Variants in TTN observed in about 807,000 individuals in gnomAD.
The protein encoded by TTN is connectin.
A neutral mutation model predicts 3,223.0 loss-of-function variants in TTN; 1,525 were observed. The ratio of observed to expected loss-of-function variants is 0.47; its 90% CI spans 0.45 to 0.49. TTN has a LOEUF of 0.49. Among genes scored for constraint, TTN ranks in the 20% least tolerant of loss-of-function variants. TTN has a pLI of 0.00. For missense variants in TTN, 40,786 were observed against 43,424.0 expected, an observed-to-expected ratio of 0.94 and a Z score of 5.40; for synonymous variants, 14,094 against 15,161.0, an observed-to-expected ratio of 0.93 and a Z score of 5.17.
Position 178,580,122 on chromosome 2 carries a change from A to G in TTN, c.67165T>C (p.Tyr22389His). 1.2e-6 allele frequency: 2 copies of G among 1,613,378 alleles called. No homozygotes were observed. Among genetic ancestry groups the G allele is most frequent in the South Asian group, 1.1e-5 (1 of 91,070 alleles). The change falls in exon 318 of 363, where the codon TAT becomes CAT. Residue 22389 changes from tyrosine to histidine, a missense_variant. Transcript: ENST00000589042. ...IIDGGSPIIN[Y>H]VVQKRDAERK... ...TCTGCATCACGTTTTTGTACCACATAGTTTATGATGGGGCTTCCGCCATCA... is the reference window on the plus strand; with the variant it reads ...TCTGCATCACGTTTTTGTACCACATGGTTTATGATGGGGCTTCCGCCATCA...
In TTN at chr2:178,720,561, A is replaced by C. The variant is rs778239287; in HGVS notation, c.23201T>G (p.Val7734Gly). Residue 7734 changes from valine to glycine, a missense_variant, in exon 80 of 363, where the codon GTA becomes GGA. Coordinates refer to ENST00000589042, the MANE Select transcript of TTN (RefSeq NM_001267550.2). ...AACCTGCTTTCGATCTTTAACCCAT[A>C]CTACTTCAAATGGGGGAGTTCCCGA... ...EISGTPPFEVVWVKDRKQVRN... is the reference protein window; with the variant it reads ...EISGTPPFEVGWVKDRKQVRN... 1 of 1,613,478 alleles carries C rather than the reference A, an allele frequency of 6.2e-7. No individual in the cohort carries two copies.
In TTN at chr2:178,678,227, T is replaced by C. The variant is rs1011760493; in HGVS notation, c.33911-19A>G. 7.6e-6 allele frequency: 12 copies of C among 1,583,754 alleles called. No individual in the cohort carries two copies. The highest frequency in any genetic ancestry group is 9.4e-6 in the Non-Finnish European group (11 of 1,166,530). ...TCTGGCACTTTAAAGATATTATTTATATTTAGGAATATGTTCTTTTAAAAT... is the reference window on the plus strand; with the variant it reads ...TCTGGCACTTTAAAGATATTATTTACATTTAGGAATATGTTCTTTTAAAAT... On this transcript the variant is annotated intron_variant, in intron 144 of 362. Transcript: ENST00000589042.
At chr2:178,602,750 G>T (rs1052482951) in intron 282 of TTN, among the ~76,000 whole-genome samples, 160 bp from the exon 283 acceptor site, 1 of 151,796 alleles carries the variant, frequency 6.6e-6, no homozygotes, top group Admixed American at 6.6e-5. Flanking sequence ...GAGAAATAAA[G>T]GAAATGGTCT....
chr2:178,702,075 T>G lies in TTN; in HGVS notation c.30512-9A>C. Reference sequence around the variant, plus strand: ...CAGCTCAAGTTTGATTTCTGCAAAATAAAAAAAAAATGATATTTTTGTGTT... The same window carrying G: ...CAGCTCAAGTTTGATTTCTGCAAAAGAAAAAAAAAATGATATTTTTGTGTT... On this transcript the variant is annotated splice_polypyrimidine_tract_variant and intron_variant, in intron 108 of 362. Coordinates refer to ENST00000589042, the MANE Select transcript of TTN (RefSeq NM_001267550.2). 6.7e-7 allele frequency: 1 copy of G among 1,492,024 alleles called. No individual in the cohort carries two copies. Among genetic ancestry groups the G allele is most frequent in the Non-Finnish European group, 9.2e-7 (1 of 1,088,956 alleles). The allele number at this position is 1,492,024 out of a possible 1,614,324, so 92.4% of individuals were successfully genotyped here.
chr2:178,745,951 G>A, intron 47 of TTN: 1 of 1,609,584 alleles, frequency 6.2e-7, no homozygotes, highest in South Asian at 1.1e-5. Context: ...AAGTCACTTT[G>A]CTTTTCTTTG....
In TTN at chr2:178,561,235, C is replaced by T. The variant is rs794729296; in HGVS notation, c.84897G>A (p.Trp28299Ter). The change falls in exon 326 of 363, where the codon TGG (tryptophan) becomes TGA (stop). Residue 28299 changes from tryptophan (W) to a stop codon, truncating the protein, a stop_gained. Transcript: ENST00000589042. LOFTEE classifies it high-confidence loss of function. ...GTATATTAGTATAATTGCACTTCAG[C>T]CACCGGCCATCTGGTAGTTCTCTGC... ...VERRELPDGR[W>*]LKCNYTNIQE... 1 of 1,613,658 alleles carries T rather than the reference C, an allele frequency of 6.2e-7. No individual in the cohort carries two copies. The highest frequency in any genetic ancestry group is 1.1e-5 in the South Asian group (1 of 91,078).
rs760643071 is a variant in TTN, at chr2:178,633,519, A to T, written c.42840T>A (p.Asp14280Glu). ...VPSPKYSIKADGLRRILKIKK... is the reference protein window; with the variant it reads ...VPSPKYSIKAEGLRRILKIKK... ...TGATTTTTAAGATGCGGCGCAGGCC[A>T]TCTGCCTTGATAGAATATTTGGGTG... Residue 14280 changes from aspartate to glutamate, a missense_variant, in exon 232 of 363, where the codon GAT (aspartate) becomes GAA (glutamate). Coordinates refer to ENST00000589042, the MANE Select transcript of TTN (RefSeq NM_001267550.2). 6.2e-7 allele frequency: 1 copy of T among 1,613,422 alleles called. No homozygotes were observed. The highest frequency in any genetic ancestry group is 8.5e-7 in the Non-Finnish European group (1 of 1,179,618).
rs1575406213 is a variant in TTN, at chr2:178,542,947, A to G, written c.96907T>C (p.Leu32303=). The G allele has an allele frequency of 6.3e-7, 1 of 1,587,022 alleles. No individual in the cohort carries two copies. The stretch of plus-strand genomic sequence containing the variant: ...ATTGTAGAAAGATCGATTGTTGGCA[A>G]CACTATGGGAAAGAAATCAGGCATT... ...TAVTVQDLRV[L]PTIDLSTMPQ... is the part of the protein sequence containing the mutation. Residue 32303 remains leucine (L), a splice_region_variant and synonymous_variant, in exon 348 of 363, where the codon TTG becomes CTG. Coordinates refer to ENST00000589042, the MANE Select transcript of TTN (RefSeq NM_001267550.2).
At chr2:178,753,847 T>A (rs1316505858) in intron 46 of TTN, 2 of 152,152 alleles carry the variant, frequency 1.3e-5, no homozygotes, top group Non-Finnish European at 2.9e-5. Context: ...CTCAGTTTCT[T>A]ACGGTTTTTG....
Position 178,617,031 on chromosome 2 carries a change from T to G in TTN, c.47876-18A>C, listed in dbSNP as rs776809349. On this transcript the variant is annotated intron_variant, in intron 255 of 362. Transcript: ENST00000589042. ...TGGTTCAACTACAAAGAAGAAAAGT[T>G]AATGAGTTTGCAGTGCCATATTTAA... The G allele has an allele frequency of 8.4e-5, 135 of 1,611,950 alleles. No individual in the cohort carries two copies. The highest frequency in any genetic ancestry group is 6.6e-4 in the Middle Eastern group (4 of 6,066).
rs1326015828 is a variant in TTN at position 178,651,989 on chromosome 2, T to C, written c.39296-22A>G. On this transcript the variant is annotated intron_variant, in intron 204 of 362. Coordinates refer to ENST00000589042, the MANE Select transcript of TTN (RefSeq NM_001267550.2). ...AACACTTTAAAGACATGAGCTCATT[T>C]TAATGCCAGAATTGACTAAAACTGA... The C allele has an allele frequency of 3.1e-6, 5 of 1,611,028 alleles. No homozygotes were observed. The African/African-American group carries it at 6.7e-5, about 22-fold the overall frequency.
At chr2:178,747,175 T>G in intron 47 of TTN, 1 of 1,609,026 alleles carries the variant, frequency 6.2e-7, no homozygotes, top group African/African-American at 1.4e-5. Flanking sequence ...CTCCTGGGGG[T>G]GTGGAGTATC....
Position 178,718,167 on chromosome 2 carries a change from G to C in TTN, c.24839C>G (p.Pro8280Arg), listed in dbSNP as rs375219172. The change falls in exon 86 of 363, where the codon CCT (proline) becomes CGT (arginine). Residue 8280 changes from proline (P) to arginine (R), a missense_variant. By Grantham distance (103) the Pro-to-Arg change is moderately radical. Transcript: ENST00000589042. Reference protein sequence around the residue: ...LEHVEAVIGEPATLQCKVDGT... With the variant: ...LEHVEAVIGERATLQCKVDGT... ...ATCCACTTTACACTGTAAAGTTGCA[G>C]GTTCTCCAATGACTGCTTCCACATG... 1.9e-6 allele frequency: 3 copies of C among 1,606,072 alleles called. No homozygotes were observed. Among genetic ancestry groups the C allele is most frequent in the Non-Finnish European group, 2.5e-6 (3 of 1,179,500 alleles).
rs1445823555 is a variant in TTN at position 178,571,771 on chromosome 2, C to T, written c.74361G>A (p.Val24787=). Residue 24787 remains valine (V), a synonymous_variant, in exon 326 of 363, where the codon GTG becomes GTA. Coordinates refer to ENST00000589042, the MANE Select transcript of TTN (RefSeq NM_001267550.2). ...CACCAGCTGAGTTAGTCAGTTTAAC[C>T]ACATAATGGCCAACATCTTCTCGGC... ...DACREDVGHY[V]VKLTNSAGEA... The T allele has an allele frequency of 1.9e-6, 3 of 1,613,364 alleles. No homozygotes were observed. The highest frequency in any genetic ancestry group is 2.2e-5 in the East Asian group (1 of 44,814).
intron 19 of TTN, 27 bp downstream of exon 19, chr2:178,782,512 C>G: frequency 6.2e-7 from 1 of 1,613,784 alleles, no homozygotes; most frequent in South Asian, 1.1e-5. Flanking sequence ...GGTACTAGAA[C>G]AGCTACTAAT....
Position 178,634,896 on chromosome 2 carries a change from T to C in TTN, c.42025-47A>G, listed in dbSNP as rs745344984. On this transcript the variant is annotated intron_variant, in intron 228 of 362. Coordinates refer to ENST00000589042, the MANE Select transcript of TTN (RefSeq NM_001267550.2). This position sits in a 1 kb window ranked among gnomAD's most constrained non-coding sequence, Gnocchi z 4.6. Reference sequence around the variant, plus strand: ...AACCATTTGAAAGAGATAAATTCCCTATAGGAGAAGTGTTTCAGATACAAA... The same window carrying C: ...AACCATTTGAAAGAGATAAATTCCCCATAGGAGAAGTGTTTCAGATACAAA... 1.3e-6 allele frequency: 2 copies of C among 1,570,892 alleles called. No individual in the cohort carries two copies. Among genetic ancestry groups the C allele is most frequent in the Non-Finnish European group, 8.6e-7 (1 of 1,164,618 alleles).
In TTN at chr2:178,552,333, C is replaced by A; in HGVS notation, c.90567G>T (p.Leu30189Phe). ...GCTCCTTCTTGGCATTCTTAATACT[C>A]AAAGTAATTTTGTTTTCAGTTTTAC... ...RFSKTENKIT[L>F]SIKNAKKEHG... is the part of the protein sequence containing the mutation. The change falls in exon 335 of 363, where the codon TTG becomes TTT. Residue 30189 changes from leucine to phenylalanine, a missense_variant. Physicochemically the swap from Leu to Phe is conservative, Grantham distance 22. Transcript: ENST00000589042. The A allele has an allele frequency of 6.2e-7, 1 of 1,603,734 alleles. No homozygotes were observed. Among genetic ancestry groups the A allele is most frequent in the Non-Finnish European group, 8.5e-7 (1 of 1,176,072 alleles).
At chr2:178,755,474 T>C (rs1004024801) in intron 46 of TTN, among the ~76,000 whole-genome samples, 6 of 152,132 alleles carry the variant, frequency 3.9e-5, no homozygotes, top group Admixed American at 2.0e-4. Flanking sequence ...CTAGTTCTGT[T>C]GCCCAGGCTG....
Position 178,634,885 on chromosome 2 carries a change from G to A in TTN, c.42025-36C>T, listed in dbSNP as rs907018068. ...ATAGTTTTAGTAACCATTTGAAAGA[G>A]ATAAATTCCCTATAGGAGAAGTGTT... On this transcript the variant is annotated intron_variant, in intron 228 of 362. Coordinates refer to ENST00000589042, the MANE Select transcript of TTN (RefSeq NM_001267550.2). The surrounding 1 kb of genome is among the most constrained non-coding windows in gnomAD (Gnocchi z 4.6). 5 of 1,588,462 alleles carry A rather than the reference G, an allele frequency of 3.1e-6. No individual in the cohort carries two copies. In the East Asian group the frequency reaches 1.1e-4, roughly 36 times the overall value.
Sources: allele counts gnomAD v4.1 joint callset (sites outside exome capture counted in the v4.1 genomes callset), GRCh38; gene constraint gnomAD v4.1.1; non-coding constraint Gnocchi (gnomAD v3.1); transcripts MANE v1.5; gene names NCBI Gene and HGNC (gene_info 2026-07-23, HGNC 2026-07-21).